Variants in SPPL2B observed in about 807,000 individuals in gnomAD.
SPPL2B encodes the protein signal peptide peptidase-like 2B.
SPPL2B carries 39 observed loss-of-function variants against 59.7 expected under a neutral mutation model. That is an observed-to-expected ratio of 0.65 (90% CI 0.51 to 0.85). The LOEUF (loss-of-function observed/expected upper bound fraction) is 0.85, where lower values mean the gene tolerates loss of function less well. Among genes scored for constraint, SPPL2B ranks in the 40% least tolerant of loss-of-function variants. SPPL2B has a pLI of 0.00. For synonymous variants in SPPL2B, 419 were observed against 370.8 expected, an observed-to-expected ratio of 1.13 and a Z score of -1.49; for missense variants, 865 against 849.0, an observed-to-expected ratio of 1.02 and a Z score of -0.23.
At position 2,353,645 on chromosome 19, in the gene SPPL2B, T is replaced by C; in HGVS notation, c.*436T>C. The C allele has an allele frequency of 5.5e-6, 1 of 182,104 alleles. No individual in the cohort carries two copies. The highest frequency in any genetic ancestry group is 1.2e-4 in the South Asian group (1 of 8,356). 11.3% of individuals were successfully genotyped at this position (182,104 alleles called of 1,614,324 possible). A position where few individuals can be genotyped will look rare whatever the true frequency, so the allele number is the denominator to read the frequency against. Reference sequence around the variant, plus strand: ...CCTGCTCTCCGGGTGGAAGAGCAGCTTTCTGTCTCCCAGAAGGCATCGCTT... The same window carrying C: ...CCTGCTCTCCGGGTGGAAGAGCAGCCTTCTGTCTCCCAGAAGGCATCGCTT... On this transcript the variant is annotated 3_prime_UTR_variant, in exon 15 of 15. Transcript: ENST00000613503.
chr19:2,346,549 C>A (rs114382340), intron 13 of SPPL2B, among the ~76,000 whole-genome samples: 1 of 152,060 alleles, frequency 6.6e-6, no homozygotes, highest in African/African-American at 2.4e-5. Context: ...TGCCTGTAGC[C>A]CCAGCTACTC....
chr19:2,344,348 C>G lies in SPPL2B; in HGVS notation c.1114-14C>G, dbSNP rs768936868. On this transcript the variant is annotated splice_polypyrimidine_tract_variant and intron_variant, in intron 10 of 14. Transcript: ENST00000613503. ...CCATCACCACGCTCCCTCACTCAACCCCATTCTGTGCAGAGTGGGAGCAGC... is the reference window on the plus strand; with the variant it reads ...CCATCACCACGCTCCCTCACTCAACGCCATTCTGTGCAGAGTGGGAGCAGC... The G allele has an allele frequency of 6.6e-7, 1 of 1,518,854 alleles. No homozygotes were observed. The highest frequency in any genetic ancestry group is 1.5e-5 in the African/African-American group (1 of 68,410). 94.1% of individuals were successfully genotyped at this position (1,518,854 alleles called of 1,614,324 possible).
In SPPL2B at chr19:2,343,623, T is replaced by C. The variant is rs1360379223; in HGVS notation, c.1038+331T>C. On this transcript the variant is annotated intron_variant, in intron 9 of 14. Transcript: ENST00000613503. ...GGGATGTTGTCAAGCCCCAGGCGGC[T>C]GCACTCCCGTGAGGGCCCCACAGCA... is the stretch of plus-strand genomic sequence containing the variant. 5.9e-5 allele frequency among the ~76,000 whole-genome samples: 9 copies of C among 152,068 alleles called. No homozygotes were observed. In the East Asian group the frequency reaches 1.7e-3, roughly 29 times the overall value.
At chr19:2,348,530 CCA>C (rs1969637382) in intron 13 of SPPL2B, among the ~76,000 whole-genome samples, 1 of 148,694 alleles carries the variant, frequency 6.7e-6, no homozygotes, top group Admixed American at 6.8e-5. Context: ...CTCTCTCCCT[CCA>C]CACACACTCA....
In SPPL2B at chr19:2,343,980, C is replaced by T; in HGVS notation, c.1054C>T (p.Leu352=). Residue 352 remains leucine, a synonymous_variant, in exon 10 of 15, where the codon CTG becomes TTG. Coordinates refer to ENST00000613503, the MANE Select transcript of SPPL2B (RefSeq NM_152988.3). Reference sequence around the variant, plus strand: ...GGCTTCGCAGGCCTGCACGCTGCTGCTGCTGGTGCTGTTCCTCTACGACAT... The same window carrying T: ...GGCTTCGCAGGCCTGCACGCTGCTGTTGCTGGTGCTGTTCCTCTACGACAT... The part of the protein sequence containing the change: ...LPTFKACTLL[L]LVLFLYDIFF... The T allele has an allele frequency of 1.3e-6, 2 of 1,548,412 alleles. No homozygotes were observed. Among genetic ancestry groups the T allele is most frequent in the Non-Finnish European group, 1.7e-6 (2 of 1,146,672 alleles).
At chr19:2,349,782 C>G in intron 13 of SPPL2B, among the ~76,000 whole-genome samples, 1 of 133,714 alleles carries the variant, frequency 7.5e-6, no homozygotes, top group South Asian at 2.1e-4. Context: ...ATTCCGTTCT[C>G]TCTCCACACA....
chr19:2,353,362 AC>A lies in SPPL2B; in HGVS notation c.*157del, dbSNP rs1970037969. The A allele has an allele frequency of 3.0e-6, 3 of 994,814 alleles. No homozygotes were observed. The East Asian group carries it at 8.2e-5, about 27-fold the overall frequency. The allele number at this position is 994,814 out of a possible 1,614,324, so 61.6% of individuals were successfully genotyped here. A position where few individuals can be genotyped will look rare whatever the true frequency, so the allele number is the denominator to read the frequency against. The stretch of plus-strand genomic sequence containing the variant: ...CAACATGGTGCTCATCCTTGCCGAG[AC>A]CCCTGCGGTCTGTGCCCGCGCCCAG... On this transcript the variant is annotated 3_prime_UTR_variant, in exon 15 of 15. Transcript: ENST00000613503.
intron 13 of SPPL2B, among the ~76,000 whole-genome samples, chr19:2,346,404 G>A (rs570433003): frequency 1.3e-5 from 2 of 152,378 alleles, no homozygotes; most frequent in South Asian, 2.1e-4. Context: ...GGGGGCTCAT[G>A]TCTGTGATCC....
At chr19:2,329,264 G>A (rs1257521925) in intron 1 of SPPL2B, among the ~76,000 whole-genome samples, 1 of 152,210 alleles carries the variant, frequency 6.6e-6, no homozygotes, top group African/African-American at 2.4e-5. Flanking sequence ...CAGCATCCTG[G>A]AGCGGCCAGG....
chr19:2,334,472 TC>T, intron 1 of SPPL2B, 129 bp from the exon 2 acceptor site: 1 of 1,301,092 alleles, frequency 7.7e-7, no homozygotes, highest in Non-Finnish European at 1.0e-6. Context: ...GGGGGAAGCA[TC>T]CCAGACCACC....
chr19:2,344,762 C>A, intron 12 of SPPL2B, 110 bp downstream of exon 12: 1 of 745,476 alleles, frequency 1.3e-6, no homozygotes. Flanking sequence ...GGAGATAAAG[C>A]CCTGAGGGTC....
chr19:2,350,427 C>T (rs1568454794), intron 13 of SPPL2B, among the ~76,000 whole-genome samples: 1 of 151,676 alleles, frequency 6.6e-6, no homozygotes, highest in Non-Finnish European at 1.5e-5. Context: ...TCCACACACA[C>T]ACTCGCGCTC....
intron 13 of SPPL2B, among the ~76,000 whole-genome samples, chr19:2,348,342 A>C (rs1168006141): frequency 3.8e-4 from 20 of 53,294 alleles, no homozygotes; most frequent in South Asian, 8.7e-4. Flanking sequence ...TTCTCTCTCC[A>C]CACACACACT....
At position 2,352,961 on chromosome 19, in the gene SPPL2B, T is replaced by A. The variant is rs1298449391; in HGVS notation, c.1531T>A (p.Ser511Thr). The A allele has an allele frequency of 6.2e-7, 1 of 1,611,934 alleles. No homozygotes were observed. The highest frequency in any genetic ancestry group is 1.3e-5 in the African/African-American group (1 of 74,924). Residue 511 changes from serine (S) to threonine (T), a missense_variant, in exon 15 of 15, where the codon TCT becomes ACT. Coordinates refer to ENST00000613503, the MANE Select transcript of SPPL2B (RefSeq NM_152988.3). ...TCTCCTGTAGAAAGTCCTACCTCCA[T>A]CTCCGTGGGCCCCAGCACCAGCCGA... The part of the protein sequence containing the change: ...GSGFAKVLPP[S>T]PWAPAPADGP...
At chr19:2,349,019 TTC>T (rs200516281) in intron 13 of SPPL2B, among the ~76,000 whole-genome samples, 560 of 48,616 alleles carry the variant, frequency 0.012, 4 homozygotes, top group African/African-American at 0.049. Context: ...CTTGATTCCG[TTC>T]TCTCTCTCTC....
intron 1 of SPPL2B, 72 bp from the exon 2 acceptor site, chr19:2,334,530 C>T (rs1346476709): frequency 1.3e-6 from 2 of 1,533,182 alleles, no homozygotes; most frequent in African/African-American, 1.4e-5. Flanking sequence ...CCTCCTCGGG[C>T]CTGTTTCTCG....
chr19:2,339,470 G>A (rs543235198), intron 5 of SPPL2B, among the ~76,000 whole-genome samples: 8 of 152,192 alleles, frequency 5.3e-5, no homozygotes, highest in Admixed American at 5.2e-4. Flanking sequence ...GTGCAGGGCT[G>A]GGCAGGTGGC....
Position 2,335,462 on chromosome 19 carries a change from T to C in SPPL2B, c.186+741T>C, listed in dbSNP as rs575062006. Among the ~76,000 whole-genome samples the C allele has an allele frequency of 7.5e-5, 11 of 146,018 alleles. No individual in the cohort carries two copies. In the South Asian group the frequency reaches 1.3e-3, roughly 18 times the overall value. ...TGCATGCTTCAGGCCCCGCCTCCTT[T>C]CTCATTGCATCCTTCAGGCCCCGCC... On this transcript the variant is annotated intron_variant, in intron 2 of 14. Transcript: ENST00000613503.
intron 9 of SPPL2B, 62 bp downstream of exon 9, chr19:2,343,354 C>T (rs996760389): frequency 8.0e-6 from 11 of 1,379,592 alleles, no homozygotes; most frequent in Non-Finnish European, 1.1e-5. Flanking sequence ...TCATCCTAGC[C>T]TGGCCCGTGT....
Sources: allele counts gnomAD v4.1 joint callset (sites outside exome capture counted in the v4.1 genomes callset), GRCh38; gene constraint gnomAD v4.1.1; transcripts MANE v1.5; gene names NCBI Gene and HGNC (gene_info 2026-07-23, HGNC 2026-07-21).